The following MAGED1 variants were observed in gnomAD, a reference collection of about 807,000 sequenced individuals.
MAGED1 encodes MAGE family member D1.
In MAGED1, 3 loss-of-function variants were observed where a neutral mutation model predicts 54.1. The ratio of observed to expected loss-of-function variants is 0.06; its 90% CI spans 0.03 to 0.14. MAGED1 has a LOEUF of 0.14. Ranked by LOEUF, MAGED1 falls within the 10% of genes least tolerant of loss-of-function variation. The probability of loss-of-function intolerance (pLI) is 1.00; values close to 1 mark genes in which losing one functional copy is unlikely to be tolerated. For synonymous variants in MAGED1, 217 were observed against 227.3 expected (o/e 0.95, Z 0.41); for missense variants, 485 against 623.4 (o/e 0.78, Z 2.36).
At chrX:51,848,954 T>C (rs1926785920) in intron 1 of MAGED1, among the ~76,000 whole-genome samples, 2 of 110,049 alleles carry the variant, frequency 1.8e-5, no homozygotes, top group Admixed American at 1.9e-4. Flanking sequence ...GTTTTTTTTT[T>C]CATCTCGTTT....
chrX:51,863,498 G>C (rs1452829707), intron 1 of MAGED1, among the ~76,000 whole-genome samples: 1 of 112,020 alleles, frequency 8.9e-6, no homozygotes, highest in Non-Finnish European at 1.9e-5. Context: ...TATACACCCA[G>C]AAGTGGAATT....
chrX:51,827,917 C>T (rs1925915933), intron 1 of MAGED1, among the ~76,000 whole-genome samples: 1 of 111,675 alleles, frequency 9.0e-6, no homozygotes, highest in African/African-American at 3.3e-5. Flanking sequence ...ACCTTGATTA[C>T]TATAGACTTA....
intron 1 of MAGED1, among the ~76,000 whole-genome samples, chrX:51,831,400 C>G (rs1257022050): frequency 9.0e-6 from 1 of 111,205 alleles, no homozygotes; most frequent in Non-Finnish European, 1.9e-5. Flanking sequence ...TTACCTGAGC[C>G]CAGGAGTTCA....
intron 1 of MAGED1, among the ~76,000 whole-genome samples, chrX:51,815,755 A>G (rs1265452600): frequency 9.0e-6 from 1 of 110,757 alleles, no homozygotes; most frequent in African/African-American, 3.3e-5. Context: ...TCCTGACCTC[A>G]GGTGATCCGC....
chrX:51,852,749 C>T (rs1484612026), intron 1 of MAGED1, among the ~76,000 whole-genome samples: 1 of 111,921 alleles, frequency 8.9e-6, no homozygotes, highest in Non-Finnish European at 1.9e-5. Context: ...GGGGAGCGGG[C>T]ACAGAGCCTT....
At chrX:51,881,880 T>A (rs1928070214) in intron 1 of MAGED1, among the ~76,000 whole-genome samples, 1 of 111,529 alleles carries the variant, frequency 9.0e-6, no homozygotes, top group South Asian at 3.8e-4. Flanking sequence ...TCCTCCTCAA[T>A]TCCTTTCTTT....
chrX:51,823,534 C>T (rs1317885829), intron 1 of MAGED1, among the ~76,000 whole-genome samples: 1 of 111,534 alleles, frequency 9.0e-6, no homozygotes, highest in African/African-American at 3.3e-5. Flanking sequence ...AAATCATTCT[C>T]TTGAAGATAA....
chrX:51,870,379 C>G (rs1166142209), intron 1 of MAGED1, among the ~76,000 whole-genome samples: 6 of 111,823 alleles, frequency 5.4e-5, no homozygotes, highest in Admixed American at 9.4e-5. Context: ...TATGTGATTT[C>G]TTTTTCTATA....
chrX:51,814,598 G>C (rs1925346670), intron 1 of MAGED1, among the ~76,000 whole-genome samples: 1 of 111,375 alleles, frequency 9.0e-6, no homozygotes, highest in African/African-American at 3.3e-5. Flanking sequence ...AACAAGTACA[G>C]TCATGTACAG....
intron 1 of MAGED1, among the ~76,000 whole-genome samples, chrX:51,821,540 G>A (rs1925634131): frequency 9.0e-6 from 1 of 110,944 alleles, no homozygotes; most frequent in African/African-American, 3.3e-5. Flanking sequence ...ACAGGCACAT[G>A]CCACCTTGCC....
At chrX:51,894,609 A>AT (rs781961743) in intron 2 of MAGED1, 38,604 of 802,040 alleles carry the variant, frequency 0.048, no homozygotes, top group Non-Finnish European at 0.054. Flanking sequence ...GTAAGGAACC[A>AT]TTTTTTTTTT....
intron 1 of MAGED1, among the ~76,000 whole-genome samples, chrX:51,862,709 C>T (rs1927324294): frequency 9.0e-6 from 1 of 111,625 alleles, no homozygotes; most frequent in Admixed American, 9.6e-5. Context: ...TCTCTGAGAA[C>T]TGTAAAGCCA....
At chrX:51,875,472 G>T (rs1023857169) in intron 1 of MAGED1, among the ~76,000 whole-genome samples, 1 of 111,278 alleles carries the variant, frequency 9.0e-6, no homozygotes, top group Non-Finnish European at 1.9e-5. Context: ...ATCTCTCAGG[G>T]ATTACTCTTC....
chrX:51,894,584 G>C, intron 2 of MAGED1: 1 of 1,137,221 alleles, frequency 8.8e-7, no homozygotes, highest in Non-Finnish European at 1.2e-6. Flanking sequence ...AATCTGCCCA[G>C]AGAATGCGGG....
intron 1 of MAGED1, among the ~76,000 whole-genome samples, chrX:51,809,177 C>T (rs1220088616): frequency 9.0e-6 from 1 of 110,869 alleles, no homozygotes; most frequent in Non-Finnish European, 1.9e-5. Flanking sequence ...TGCAGTGGCG[C>T]GATCTCTGCT....
intron 1 of MAGED1, among the ~76,000 whole-genome samples, chrX:51,863,203 G>A (rs782301977): frequency 3.6e-5 from 4 of 112,047 alleles, no homozygotes; most frequent in Non-Finnish European, 7.5e-5. Context: ...CAGCATATAA[G>A]TGAGATGATG....
rs923484838 is a variant in MAGED1, at chrX:51,898,557, T to C, written c.1782-24T>C. On this transcript the variant is annotated intron_variant, in intron 9 of 12. Transcript: ENST00000326587. The stretch of plus-strand genomic sequence containing the variant: ...TGGGCATGGTAATAGCCTCTGATTG[T>C]GGGTTTCCTTTTTTTACCTTCAGGG... The C allele has an allele frequency of 2.5e-6, 3 of 1,185,877 alleles. No individual in the cohort carries two copies. The Admixed American group carries it at 6.9e-5, about 27-fold the overall frequency.
At chrX:51,871,306 G>T (rs1259154538) in intron 1 of MAGED1, among the ~76,000 whole-genome samples, 4 of 108,634 alleles carry the variant, frequency 3.7e-5, no homozygotes, top group African/African-American at 1.3e-4. Flanking sequence ...AAGTTATAGG[G>T]TACATGTGCA....
chrX:51,870,034 C>T (rs1927609051), intron 1 of MAGED1, among the ~76,000 whole-genome samples: 3 of 110,947 alleles, frequency 2.7e-5, no homozygotes, highest in Non-Finnish European at 5.7e-5. Context: ...CCGTGCTGGG[C>T]TAGGATCTCC....
Sources: gnomAD v4.1 joint callset for allele counts (sites outside exome capture counted in the v4.1 genomes callset) on GRCh38, gnomAD v4.1.1 for gene constraint, MANE v1.5 for transcripts, NCBI Gene and HGNC (gene_info 2026-07-23, HGNC 2026-07-21) for gene names.